GSE1: variants seen among roughly 807,000 people sequenced by gnomAD.
GSE1 encodes genetic suppressor element 1.
GSE1 carries 32 observed loss-of-function variants against 112.6 expected under a neutral mutation model. The ratio of observed to expected loss-of-function variants is 0.28; its 90% CI spans 0.21 to 0.38. The LOEUF (loss-of-function observed/expected upper bound fraction) is 0.38, where lower values mean the gene tolerates loss of function less well. Among genes scored for constraint, GSE1 ranks in the 10% least tolerant of loss-of-function variants. GSE1 has a pLI of 1.00. For synonymous variants in GSE1, 1,115 were observed against 735.6 expected (o/e 1.52, Z -8.35); for missense variants, 2,348 against 1,699.2 (o/e 1.38, Z -6.71).
chr16:85,376,420 G>T (rs527544453), intron 2 of GSE1, among the ~76,000 whole-genome samples: 1 of 152,344 alleles, frequency 6.6e-6, no homozygotes, highest in South Asian at 2.1e-4. Context: ...CTGGGCTGGG[G>T]TGAGTTCGGT....
At chr16:85,212,682 C>T (rs1212392232) in intron 1 of GSE1, among the ~76,000 whole-genome samples, 7 of 152,196 alleles carry the variant, frequency 4.6e-5, no homozygotes, top group Admixed American at 1.3e-4. Flanking sequence ...TGTGGCACTT[C>T]GTTATGGCTG....
chr16:85,202,209 T>TC (rs536724433), intron 1 of GSE1, among the ~76,000 whole-genome samples: 1 of 152,232 alleles, frequency 6.6e-6, no homozygotes, highest in Non-Finnish European at 1.5e-5. Context: ...GGGCTGGCTG[T>TC]CCCCCTCCCA....
At chr16:85,597,008 C>T (rs2047256932) in intron 1 of GSE1, among the ~76,000 whole-genome samples, 1 of 151,982 alleles carries the variant, frequency 6.6e-6, no homozygotes, top group East Asian at 1.9e-4. Context: ...GATGAACTCT[C>T]CCTCTGTCAC....
intron 1 of GSE1, among the ~76,000 whole-genome samples, chr16:85,632,308 C>G (rs559011345): frequency 2.0e-5 from 3 of 152,258 alleles, no homozygotes; most frequent in South Asian, 2.1e-4. Flanking sequence ...CTGGGGAGAA[C>G]AAACGATGCC....
At position 85,294,624 on chromosome 16, in the gene GSE1, TC is replaced by T. The variant is rs1330499566; in HGVS notation, c.2284-62838del. Among the ~76,000 whole-genome samples the T allele has an allele frequency of 3.9e-4, 25 of 64,630 alleles. No individual in the cohort carries two copies. The Middle Eastern group carries it at 0.025, about 65-fold the overall frequency. 42.4% of individuals were successfully genotyped at this position (64,630 alleles called of 152,430 possible). A position where few individuals can be genotyped will look rare whatever the true frequency, so the allele number is the denominator to read the frequency against. On this transcript the variant is annotated intron_variant, in intron 1 of 2. Coordinates refer to the GSE1 transcript ENST00000637419. ...TTGCCAGCACGCCTCTCACTCTCTC[TC>T]TCTCTCTCTCTCTCTCTCTCTCTCT...
At chr16:85,360,052 TA>T (rs2047030980) in intron 2 of GSE1, among the ~76,000 whole-genome samples, 1 of 151,898 alleles carries the variant, frequency 6.6e-6, no homozygotes, top group South Asian at 2.1e-4. Flanking sequence ...TTTTTTTAAT[TA>T]AAAAAATGTT....
intron 1 of GSE1, among the ~76,000 whole-genome samples, chr16:85,264,766 G>C (rs74368645): frequency 6.6e-6 from 1 of 152,090 alleles, no homozygotes; most frequent in East Asian, 1.9e-4. Flanking sequence ...AAATTGGCCC[G>C]TCCCCTGTGG....
intron 2 of GSE1, among the ~76,000 whole-genome samples, chr16:85,458,221 C>T (rs143472797): frequency 6.6e-6 from 1 of 152,340 alleles, no homozygotes; most frequent in African/African-American, 2.4e-5. Flanking sequence ...CCCTGCCTCG[C>T]TCCCGGCTGG....
intron 2 of GSE1, among the ~76,000 whole-genome samples, chr16:85,361,266 AACATACAGACGCACACAAGGGCAGAG>A: frequency 7.9e-6 from 1 of 125,836 alleles, no homozygotes; most frequent in Non-Finnish European, 1.7e-5. Context: ...CCCACACACA[AACATACAGACGCACACAAGGGCAGAG>A]ACACACAGAG....
chr16:85,259,998 C>G (rs1907503054), intron 1 of GSE1, among the ~76,000 whole-genome samples: 1 of 152,246 alleles, frequency 6.6e-6, no homozygotes, highest in African/African-American at 2.4e-5. Context: ...TACCGCAAGG[C>G]TCAGGGCTCC....
In GSE1 at chr16:85,637,937, C is replaced by T. The variant is rs1035726592; in HGVS notation, c.226+3805C>T. The stretch of plus-strand genomic sequence containing the variant: ...TGGGCAGAGGGGGCAGGGATGGAAG[C>T]AGGGCAGCTCCCAGAGCTGCAGGGG... On this transcript the variant is annotated intron_variant, in intron 2 of 15. Transcript: ENST00000253458. Among the ~76,000 whole-genome samples, 5 of 152,314 alleles carry T rather than the reference C, an allele frequency of 3.3e-5. No individual in the cohort carries two copies. In the East Asian group the frequency reaches 9.7e-4, roughly 29 times the overall value.
At chr16:85,605,414 CTTTA>C (rs904543976) in intron 1 of GSE1, among the ~76,000 whole-genome samples, 12 of 152,230 alleles carry the variant, frequency 7.9e-5, no homozygotes, top group South Asian at 2.1e-4. Flanking sequence ...CCTCGTAAAA[CTTTA>C]TTTGTCTGTG....
chr16:85,486,302 C>G (rs935638551), intron 2 of GSE1, among the ~76,000 whole-genome samples: 2 of 79,688 alleles, frequency 2.5e-5, no homozygotes, highest in African/African-American at 2.1e-4. Flanking sequence ...CTCTCACACA[C>G]ACGTACGCAC....
At chr16:85,188,592 G>A (rs1026830077) in intron 1 of GSE1, among the ~76,000 whole-genome samples, 6 of 151,702 alleles carry the variant, frequency 4.0e-5, no homozygotes, top group Admixed American at 2.6e-4. Context: ...ACTTGAGGCC[G>A]GGAGTTAAAG....
At chr16:85,576,711 T>C (rs1205712767) in intron 1 of GSE1, among the ~76,000 whole-genome samples, 1 of 152,232 alleles carries the variant, frequency 6.6e-6, no homozygotes, top group Non-Finnish European at 1.5e-5. Flanking sequence ...CTTTCCCAAG[T>C]GTCCAGGAGG....
In GSE1 at chr16:85,380,925, G is replaced by C; in HGVS notation, c.2464+23282G>C. ...AGCCCTGGTAAAGTCTTTGCAATGC[G>C]TGTTACTTTAATTTTTTAAAGTTGA... On this transcript the variant is annotated intron_variant, in intron 2 of 2. Transcript: ENST00000637419. Among the ~76,000 whole-genome samples the C allele has an allele frequency of 1.3e-5, 2 of 152,306 alleles. 1 individual carries two copies. Among genetic ancestry groups the C allele is most frequent in the Middle Eastern group, 6.8e-3 (2 of 294 alleles).
At position 85,437,737 on chromosome 16, in the gene GSE1, AG is replaced by A. The variant is rs2049283925; in HGVS notation, c.2464+80096del. Among the ~76,000 whole-genome samples, 5 of 152,278 alleles carry A rather than the reference AG, an allele frequency of 3.3e-5. No homozygotes were observed. The South Asian group carries it at 8.3e-4, about 25-fold the overall frequency. ...CCTCCTAGTTACCTTCCTCCTGTCT[AG>A]GAATCCACAGATCAGGGCTGGGGGA... On this transcript the variant is annotated intron_variant, in intron 2 of 2. Transcript: ENST00000637419.
chr16:85,412,819 C>T lies in GSE1; in HGVS notation c.2464+55176C>T, dbSNP rs1724959660. On this transcript the variant is annotated intron_variant, in intron 2 of 2. Coordinates refer to the GSE1 transcript ENST00000637419. ...GCAACTGTTGATTTAATCACACCTGCAAACACCCTTACCTTTTTGCCATAT... is the reference window on the plus strand; with the variant it reads ...GCAACTGTTGATTTAATCACACCTGTAAACACCCTTACCTTTTTGCCATAT... Among the ~76,000 whole-genome samples the T allele has an allele frequency of 2.0e-5, 3 of 152,224 alleles. No homozygotes were observed. The South Asian group carries it at 6.2e-4, about 32-fold the overall frequency.
intron 1 of GSE1, among the ~76,000 whole-genome samples, chr16:85,217,062 C>G (rs1013695189): frequency 5.3e-5 from 8 of 152,196 alleles, no homozygotes; most frequent in African/African-American, 1.7e-4. Flanking sequence ...CTTGGCTGCG[C>G]CAGGTAATCC....
Sources: allele counts gnomAD v4.1 joint callset (sites outside exome capture counted in the v4.1 genomes callset), GRCh38; gene constraint gnomAD v4.1.1; transcripts MANE v1.5; gene names NCBI Gene and HGNC (gene_info 2026-07-23, HGNC 2026-07-21).